The following KLHL14 variants were observed in gnomAD, a reference collection of about 807,000 sequenced individuals.
The protein encoded by KLHL14 is kelch like family member 14, also known as kelch-like protein 14.
Under a neutral mutation model 64.3 loss-of-function variants are expected in KLHL14, and 22 were observed. The observed-to-expected ratio is 0.34, with a 90% CI of 0.24 to 0.49. The LOEUF (loss-of-function observed/expected upper bound fraction) is 0.49, where lower values mean the gene tolerates loss of function less well. KLHL14 is among the 20% of genes least tolerant of loss of function. The pLI, the probability that KLHL14 is intolerant of heterozygous loss-of-function variation, is 0.99. For synonymous variants in KLHL14, 322 were observed against 333.4 expected, an observed-to-expected ratio of 0.97 and a Z score of 0.37; for missense variants, 661 against 789.0, an observed-to-expected ratio of 0.84 and a Z score of 1.94.
intron 2 of KLHL14, among the ~76,000 whole-genome samples, chr18:32,764,349 C>G (rs553522153): frequency 6.6e-6 from 1 of 152,078 alleles, no homozygotes; most frequent in South Asian, 2.1e-4. Context: ...GATCACTATT[C>G]AAATCCTTAA....
At chr18:32,767,425 T>C (rs1374546663) in intron 2 of KLHL14, among the ~76,000 whole-genome samples, 4 of 152,242 alleles carry the variant, frequency 2.6e-5, no homozygotes, top group Non-Finnish European at 4.4e-5. Context: ...TAGGTTCGCA[T>C]GAACTATTTG....
chr18:32,716,778 A>G (rs892372121), intron 3 of KLHL14, among the ~76,000 whole-genome samples: 8 of 152,198 alleles, frequency 5.3e-5, no homozygotes, highest in Admixed American at 3.3e-4. Flanking sequence ...GTTGATATTT[A>G]AAAATTGATT....
intron 4 of KLHL14, among the ~76,000 whole-genome samples, chr18:32,691,976 A>G (rs2049909974): frequency 6.6e-6 from 1 of 152,168 alleles, no homozygotes; most frequent in South Asian, 2.1e-4. Flanking sequence ...GAAGTTCCCT[A>G]TGAGCAGTTG....
chr18:32,722,892 C>A (rs1432125922), intron 3 of KLHL14, among the ~76,000 whole-genome samples: 8 of 152,070 alleles, frequency 5.3e-5, no homozygotes, highest in Non-Finnish European at 7.4e-5. Context: ...GAGTTGGAGG[C>A]TATAGGGAGC....
intron 3 of KLHL14, among the ~76,000 whole-genome samples, chr18:32,702,348 T>TG (rs1181744429): frequency 2.1e-5 from 3 of 139,742 alleles, no homozygotes; most frequent in African/African-American, 7.9e-5. Context: ...TTTGTTTTTT[T>TG]TTTTTTTAAA....
At chr18:32,753,771 C>A (rs1238441443) in intron 2 of KLHL14, among the ~76,000 whole-genome samples, 2 of 152,222 alleles carry the variant, frequency 1.3e-5, no homozygotes, top group Non-Finnish European at 2.9e-5. Flanking sequence ...CTGCATTTCC[C>A]CCTCCTTCTC....
chr18:32,761,784 C>T (rs1300005415), intron 2 of KLHL14, among the ~76,000 whole-genome samples: 3 of 152,042 alleles, frequency 2.0e-5, no homozygotes, highest in Admixed American at 6.5e-5. Context: ...CTTGATGTAC[C>T]ATATACGTTC....
chr18:32,730,204 A>C (rs920127861), intron 3 of KLHL14, among the ~76,000 whole-genome samples: 1 of 152,198 alleles, frequency 6.6e-6, no homozygotes, highest in African/African-American at 2.4e-5. Context: ...CTGGAGATAG[A>C]CCTCATAGAG....
At chr18:32,772,286 A>G in intron 1 of KLHL14, 1 of 378,594 alleles carries the variant, frequency 2.6e-6, no homozygotes, top group Non-Finnish European at 5.5e-6. Flanking sequence ...ATCCCGTTCC[A>G]GGTGGACCCT....
In KLHL14 at chr18:32,770,232, C is replaced by T. The variant is rs2050373276; in HGVS notation, c.360G>A (p.Arg120=). ...CCTGCAGCACCAGGTTGTTGATGGC[C>T]CGGGGGCTGGTCAGCAGCTTGTCGT... ...SPDDKLLTSP[R]AINNLVLQGC... Residue 120 remains arginine (R), a synonymous_variant, in exon 2 of 9, where the codon CGG becomes CGA. Coordinates refer to ENST00000359358, the MANE Select transcript of KLHL14 (RefSeq NM_020805.3). The surrounding 1 kb of genome is among the most constrained non-coding windows in gnomAD (Gnocchi z 6.7). The T allele has an allele frequency of 1.9e-5, 30 of 1,604,376 alleles. No homozygotes were observed. The highest frequency in any genetic ancestry group is 2.6e-5 in the Non-Finnish European group (30 of 1,173,344).
intron 2 of KLHL14, among the ~76,000 whole-genome samples, chr18:32,763,753 A>G (rs1216095234): frequency 1.3e-5 from 2 of 152,184 alleles, no homozygotes; most frequent in African/African-American, 4.8e-5. Context: ...TTCACACTAT[A>G]CTGCACCAAC....
rs2049815126 is a variant in KLHL14 at position 32,677,145 on chromosome 18, G to A, written c.1746+28C>T. 5 of 1,599,908 alleles carry A rather than the reference G, an allele frequency of 3.1e-6. No homozygotes were observed. In the East Asian group the frequency reaches 1.1e-4, roughly 36 times the overall value. The stretch of plus-strand genomic sequence containing the variant: ...AAAACGTAAGCACAAACGAAATAAA[G>A]GAGGATGCAGTAAATGTGGACACAT... On this transcript the variant is annotated intron_variant, in intron 8 of 8. Coordinates refer to ENST00000359358, the MANE Select transcript of KLHL14 (RefSeq NM_020805.3).
At chr18:32,739,390 CAAA>C (rs558330930) in intron 3 of KLHL14, among the ~76,000 whole-genome samples, 1 of 108,960 alleles carries the variant, frequency 9.2e-6, no homozygotes, top group African/African-American at 3.1e-5. Flanking sequence ...GGTATCTTAA[CAAA>C]AAAAAAAAAC....
rs1023853591 is a variant in KLHL14, at chr18:32,673,584, C to T, written c.*1073G>A. 1 of 152,192 alleles carries T rather than the reference C, an allele frequency of 6.6e-6. No individual in the cohort carries two copies. 9.4% of individuals were successfully genotyped at this position (152,192 alleles called of 1,614,324 possible). A position where few individuals can be genotyped will look rare whatever the true frequency, so the allele number is the denominator to read the frequency against. ...AATTGGGGGAATAACGATCGTAAGT[C>T]AAGTGTCTAGAGGCACCCGAAGGTG... On this transcript the variant is annotated 3_prime_UTR_variant, in exon 9 of 9. Coordinates refer to ENST00000359358, the MANE Select transcript of KLHL14 (RefSeq NM_020805.3).
intron 3 of KLHL14, among the ~76,000 whole-genome samples, chr18:32,701,900 T>A (rs2049967964): frequency 6.6e-6 from 1 of 152,214 alleles, no homozygotes; most frequent in African/African-American, 2.4e-5. Flanking sequence ...TAAGTGAAAT[T>A]TCTGGGCCAA....
At chr18:32,754,001 A>G (rs1290405408) in intron 2 of KLHL14, among the ~76,000 whole-genome samples, 1 of 152,204 alleles carries the variant, frequency 6.6e-6, no homozygotes, top group African/African-American at 2.4e-5. Context: ...CCTGCCTGCA[A>G]GTGGGATGCA....
intron 5 of KLHL14, among the ~76,000 whole-genome samples, chr18:32,684,499 G>A (rs1178751718): frequency 6.6e-6 from 1 of 152,046 alleles, no homozygotes; most frequent in Non-Finnish European, 1.5e-5. Flanking sequence ...GTTGACCCAG[G>A]CAACAGTCTA....
chr18:32,740,116 C>T (rs182803018), intron 3 of KLHL14, among the ~76,000 whole-genome samples: 18 of 152,284 alleles, frequency 1.2e-4, no homozygotes, highest in Non-Finnish European at 2.2e-4. Context: ...ATTCAAAGTT[C>T]ATGTTTTCTT....
intron 3 of KLHL14, among the ~76,000 whole-genome samples, chr18:32,741,727 C>T (rs987338234): frequency 9.2e-5 from 14 of 152,160 alleles, no homozygotes; most frequent in Admixed American, 6.5e-5. Context: ...TAGGCTAGGC[C>T]TACTCGACTA....
Sources: gnomAD v4.1 joint callset for allele counts (sites outside exome capture counted in the v4.1 genomes callset) on GRCh38, gnomAD v4.1.1 for gene constraint, Gnocchi (gnomAD v3.1) non-coding constraint, MANE v1.5 for transcripts, NCBI Gene and HGNC (gene_info 2026-07-23, HGNC 2026-07-21) for gene names.